RPL7L1: variants seen among roughly 807,000 people sequenced by gnomAD.
RPL7L1 encodes the protein ribosomal protein uL30-like.
RPL7L1 carries 20 observed loss-of-function variants against 30.3 expected under a neutral mutation model. The ratio of observed to expected loss-of-function variants is 0.66; its 90% CI spans 0.46 to 0.96. The LOEUF is 0.96. RPL7L1 is among the 40% of genes least tolerant of loss of function. RPL7L1 has a pLI of 0.00. For synonymous variants in RPL7L1, 107 were observed against 110.1 expected (o/e 0.97, Z 0.18); for missense variants, 271 against 314.9 (o/e 0.86, Z 1.05).
rs1766376931 is a variant in RPL7L1 at position 42,888,904 on chromosome 6, A to G, written c.*2440A>G. On this transcript the variant is annotated 3_prime_UTR_variant, in exon 6 of 6. Transcript: ENST00000493763. ...TTTAATCCTGAAAACAGTGAGTCTG[A>G]TACTGCTTGTGTTTTTCATCAGTGT... 1 of 152,176 alleles carries G rather than the reference A, an allele frequency of 6.6e-6. No homozygotes were observed. Among genetic ancestry groups the G allele is most frequent in the Non-Finnish European group, 1.5e-5 (1 of 68,054 alleles). 9.4% of individuals were successfully genotyped at this position (152,176 alleles called of 1,614,324 possible).
intron 4 of RPL7L1, among the ~76,000 whole-genome samples, chr6:42,885,009 C>T (rs564011228): frequency 6.6e-6 from 1 of 152,226 alleles, no homozygotes; most frequent in Non-Finnish European, 1.5e-5. Flanking sequence ...AGTCTTAAAG[C>T]AGAGCTAAAG....
intron 1 of RPL7L1, 188 bp from the exon 2 acceptor site, chr6:42,880,673 C>T: frequency 2.3e-6 from 1 of 431,710 alleles, no homozygotes; most frequent in South Asian, 2.3e-5. Context: ...CCACCACGCC[C>T]AGCTGATTTT....
rs545063414 is a variant in RPL7L1 at position 42,884,118 on chromosome 6, G to C, written c.312-495G>C. Among the ~76,000 whole-genome samples the C allele has an allele frequency of 8.5e-5, 13 of 152,212 alleles. 1 individual carries two copies. Among genetic ancestry groups the C allele is most frequent in the African/African-American group, 3.1e-4 (13 of 41,522 alleles). ...ACCCAATCACCCAAACCAGAAACCTGTGGATTTTGCATGTTTATGAGCTCT... is the reference window on the plus strand; with the variant it reads ...ACCCAATCACCCAAACCAGAAACCTCTGGATTTTGCATGTTTATGAGCTCT... On this transcript the variant is annotated intron_variant, in intron 3 of 5. Transcript: ENST00000493763.
At chr6:42,886,217 C>T in intron 5 of RPL7L1, 39 bp from the exon 6 acceptor site, 1 of 1,556,670 alleles carries the variant, frequency 6.4e-7, no homozygotes, top group Non-Finnish European at 8.9e-7. Context: ...ATGCTGGATA[C>T]ATGTTAAATA....
chr6:42,881,792 C>G (rs1766089648), intron 2 of RPL7L1: 1 of 151,940 alleles, frequency 6.6e-6, no homozygotes, highest in African/African-American at 2.4e-5. Context: ...GAGACTCACT[C>G]TGTCACCCAG....
Position 42,883,741 on chromosome 6 carries a change from G to A in RPL7L1, c.311+127G>A, listed in dbSNP as rs547735348. On this transcript the variant is annotated intron_variant, in intron 3 of 5. Coordinates refer to ENST00000493763, the MANE Select transcript of RPL7L1 (RefSeq NM_001366481.3). ...CAAATTGTGCTAGGATGTCAGGGTT[G>A]AGCACAATTTAGTCTGCAATATTTG... The A allele has an allele frequency of 2.3e-4, 161 of 695,534 alleles. 1 individual carries two copies. The African/African-American group carries it at 2.7e-3, about 12-fold the overall frequency. The allele number at this position is 695,534 out of a possible 1,614,324, so 43.1% of individuals were successfully genotyped here. A position where few individuals can be genotyped will look rare whatever the true frequency, so the allele number is the denominator to read the frequency against.
At chr6:42,880,490 C>A in intron 1 of RPL7L1, 1 of 228,106 alleles carries the variant, frequency 4.4e-6, no homozygotes, top group South Asian at 5.7e-5. Flanking sequence ...TTTGGAAATC[C>A]ATTGAATGTT....
In RPL7L1 at chr6:42,887,695, G is replaced by A. The variant is rs1161944553; in HGVS notation, c.*1231G>A. ...ATTGGGTGCTGTGTCATCTGAAATC[G>A]GCACATTCCATGGAGGAAGGAGTCC... On this transcript the variant is annotated 3_prime_UTR_variant, in exon 6 of 6. Transcript: ENST00000493763. 2.0e-5 allele frequency: 3 copies of A among 152,060 alleles called. No homozygotes were observed. The highest frequency in any genetic ancestry group is 2.9e-5 in the Non-Finnish European group (2 of 68,014). The allele number at this position is 152,060 out of a possible 1,614,324, so 9.4% of individuals were successfully genotyped here.
intron 3 of RPL7L1, 176 bp downstream of exon 3, chr6:42,883,790 GA>G (rs1766167286): frequency 7.1e-6 from 3 of 419,682 alleles, no homozygotes; most frequent in Non-Finnish European, 1.3e-5. Flanking sequence ...AGATAGGCTT[GA>G]AAATAAGTGC....
intron 2 of RPL7L1, chr6:42,883,238 C>T (rs1766143852): frequency 1.2e-5 from 5 of 402,278 alleles, no homozygotes; most frequent in Middle Eastern, 6.8e-4. Flanking sequence ...ATTTTTTGTT[C>T]GTTATTTTTC....
chr6:42,884,553 C>G, intron 3 of RPL7L1, 60 bp from the exon 4 acceptor site: 1 of 1,534,554 alleles, frequency 6.5e-7, no homozygotes, highest in South Asian at 1.2e-5. Context: ...GCATGTTGTG[C>G]TTGCTGGACT....
Position 42,884,589 on chromosome 6 carries a change from GACTTCTGTTGCTGT to G in RPL7L1, c.312-23_312-10del. The G allele has an allele frequency of 2.5e-6, 4 of 1,608,576 alleles. No individual in the cohort carries two copies. The highest frequency in any genetic ancestry group is 3.4e-6 in the Non-Finnish European group (4 of 1,177,302). Reference sequence around the variant, plus strand: ...GACATAAACTGGAGGGAGTCTGTCTGACTTCTGTTGCTGTTCATTTCAGGATTGACGGCGTGAGT... The same window carrying G: ...GACATAAACTGGAGGGAGTCTGTCTGTCATTTCAGGATTGACGGCGTGAGT... On this transcript the variant is annotated splice_polypyrimidine_tract_variant and intron_variant, in intron 3 of 5. Coordinates refer to ENST00000493763, the MANE Select transcript of RPL7L1 (RefSeq NM_001366481.3).
chr6:42,883,364 A>G (rs770508896), intron 2 of RPL7L1, 87 bp from the exon 3 acceptor site: 52 of 1,016,174 alleles, frequency 5.1e-5, no homozygotes, highest in Non-Finnish European at 6.9e-5. Flanking sequence ...GAAATAAGCT[A>G]TATCAGTTGT....
Position 42,879,827 on chromosome 6 carries a change from G to C in RPL7L1, c.-84G>C. Reference sequence around the variant, plus strand: ...ACTGCGGCTAAGTGAACGCTGACTGGTCCTCCAGCGTGAGCTAGAACAGAC... The same window carrying C: ...ACTGCGGCTAAGTGAACGCTGACTGCTCCTCCAGCGTGAGCTAGAACAGAC... On this transcript the variant is annotated 5_prime_UTR_variant, in exon 1 of 6. Transcript: ENST00000493763. 7.0e-7 allele frequency: 1 copy of C among 1,436,004 alleles called. No individual in the cohort carries two copies. The highest frequency in any genetic ancestry group is 9.8e-7 in the Non-Finnish European group (1 of 1,020,464). 89.0% of individuals were successfully genotyped at this position (1,436,004 alleles called of 1,614,324 possible). A position where few individuals can be genotyped will look rare whatever the true frequency, so the allele number is the denominator to read the frequency against.
intron 4 of RPL7L1, chr6:42,885,700 T>C: frequency 2.7e-6 from 1 of 367,448 alleles, no homozygotes; most frequent in Non-Finnish European, 5.1e-6. Context: ...TAAGGTAAGC[T>C]AGGACATGGT....
In RPL7L1 at chr6:42,879,883, C is replaced by G; in HGVS notation, c.-28C>G. ...TATGGTCAAGTAAACAGAGCGTGTG[C>G]TGTCTTCCCCATGTGGTGGGGTTGC... On this transcript the variant is annotated 5_prime_UTR_variant, in exon 1 of 6. Transcript: ENST00000493763. The G allele has an allele frequency of 6.2e-7, 1 of 1,612,438 alleles. No homozygotes were observed. The highest frequency in any genetic ancestry group is 2.2e-5 in the East Asian group (1 of 44,872).
intron 4 of RPL7L1, among the ~76,000 whole-genome samples, chr6:42,885,177 GTC>G (rs1364536451): frequency 1.3e-5 from 2 of 151,216 alleles, no homozygotes; most frequent in Non-Finnish European, 1.5e-5. Context: ...TGAAACCCCT[GTC>G]TCTACTAAAA....
Position 42,889,700 on chromosome 6 carries a change from ATAT to A in RPL7L1, c.*3238_*3240del, listed in dbSNP as rs778505732. 4.6e-5 allele frequency: 7 copies of A among 152,296 alleles called. No individual in the cohort carries two copies. Among genetic ancestry groups the A allele is most frequent in the Non-Finnish European group, 1.0e-4 (7 of 68,038 alleles). The allele number at this position is 152,296 out of a possible 1,614,324, so 9.4% of individuals were successfully genotyped here. On this transcript the variant is annotated 3_prime_UTR_variant, in exon 6 of 6. Coordinates refer to ENST00000493763, the MANE Select transcript of RPL7L1 (RefSeq NM_001366481.3). ...CACTCTGTCCATAAAATGGGAGCTA[ATAT>A]TCTCCAACCTGTGTGCCTGACATGA...
chr6:42,886,299 T>A lies in RPL7L1; in HGVS notation c.603T>A (p.Ile201=), dbSNP rs751701136. Residue 201 remains isoleucine, a synonymous_variant, in exon 6 of 6, where the codon ATT becomes ATA. Coordinates refer to ENST00000493763, the MANE Select transcript of RPL7L1 (RefSeq NM_001366481.3). ...GCTTGGAAGACCTCATTCATGAAAT[T>A]GCCTTCCCAGGGAAGCATTTCCAGG... ...VICLEDLIHE[I]AFPGKHFQEI... The A allele has an allele frequency of 1.2e-6, 2 of 1,611,576 alleles. No individual in the cohort carries two copies. Among genetic ancestry groups the A allele is most frequent in the Non-Finnish European group, 8.5e-7 (1 of 1,179,868 alleles).
Sources: gnomAD v4.1 joint callset for allele counts (sites outside exome capture counted in the v4.1 genomes callset) on GRCh38, gnomAD v4.1.1 for gene constraint, MANE v1.5 for transcripts, NCBI Gene and HGNC (gene_info 2026-07-23, HGNC 2026-07-21) for gene names.